Variants in KIRREL3 observed in about 807,000 individuals in gnomAD.
The protein encoded by KIRREL3 is kirre like nephrin family adhesion molecule 3.
KIRREL3 carries 36 observed loss-of-function variants against 89.7 expected under a neutral mutation model. The observed-to-expected ratio is 0.40, with a 90% CI of 0.31 to 0.53. KIRREL3 has a LOEUF of 0.53. KIRREL3 is among the 20% of genes least tolerant of loss of function. The pLI, the probability that KIRREL3 is intolerant of heterozygous loss-of-function variation, is 0.49. For missense variants in KIRREL3, 864 were observed against 1,056.6 expected (o/e 0.82, Z 2.53); for synonymous variants, 445 against 441.4 (o/e 1.01, Z -0.10).
At position 126,676,808 on chromosome 11, in the gene KIRREL3, A is replaced by G. The variant is rs1946212173; in HGVS notation, c.56-113896T>C. The stretch of plus-strand genomic sequence containing the variant: ...GATTTTTTTTTTTTCCTTTTGAGAC[A>G]GAGTCTCCCTCTGCCATCTGGACTG... On this transcript the variant is annotated intron_variant, in intron 1 of 16. Coordinates refer to ENST00000525144, the MANE Select transcript of KIRREL3 (RefSeq NM_032531.4). This position sits in a 1 kb window ranked among gnomAD's most constrained non-coding sequence, Gnocchi z 4.5. Among the ~76,000 whole-genome samples, 1 of 151,428 alleles carries G rather than the reference A, an allele frequency of 6.6e-6. No individual in the cohort carries two copies. Among genetic ancestry groups the G allele is most frequent in the Admixed American group, 6.6e-5 (1 of 15,214 alleles).
chr11:126,448,019 G>A (rs1955890159), intron 8 of KIRREL3, among the ~76,000 whole-genome samples: 1 of 152,158 alleles, frequency 6.6e-6, no homozygotes, highest in Non-Finnish European at 1.5e-5. Context: ...AGGTGCGGTG[G>A]CTCATGCCTG....
chr11:126,697,327 G>A lies in KIRREL3; in HGVS notation c.56-134415C>T, dbSNP rs1947139665. Among the ~76,000 whole-genome samples the A allele has an allele frequency of 6.6e-6, 1 of 152,224 alleles. No individual in the cohort carries two copies. Among genetic ancestry groups the A allele is most frequent in the African/African-American group, 2.4e-5 (1 of 41,464 alleles). ...CCAGCACTGGCCTTGCCGGCTCACTGCACAGGGTGGGCACTTAGTCCCTGA... is the reference window on the plus strand; with the variant it reads ...CCAGCACTGGCCTTGCCGGCTCACTACACAGGGTGGGCACTTAGTCCCTGA... On this transcript the variant is annotated intron_variant, in intron 1 of 16. Coordinates refer to ENST00000525144, the MANE Select transcript of KIRREL3 (RefSeq NM_032531.4). The surrounding 1 kb of genome is among the most constrained non-coding windows in gnomAD (Gnocchi z 4.2).
In KIRREL3 at chr11:126,471,611, C is replaced by T. The variant is rs1019636055; in HGVS notation, c.591+1698G>A. Among the ~76,000 whole-genome samples, 3 of 151,842 alleles carry T rather than the reference C, an allele frequency of 2.0e-5. No homozygotes were observed. The highest frequency in any genetic ancestry group is 2.1e-4 in the South Asian group (1 of 4,798). On this transcript the variant is annotated intron_variant, in intron 5 of 16. Transcript: ENST00000525144. The surrounding 1 kb of genome is among the most constrained non-coding windows in gnomAD (Gnocchi z 5.4). ...TAGGATTGGATAGCTTGAATAATTT[C>T]CCTGGGCCCTGAGCTGTAGGGGTGG...
intron 1 of KIRREL3, among the ~76,000 whole-genome samples, chr11:126,835,932 A>C (rs980913495): frequency 1.3e-5 from 2 of 152,206 alleles, no homozygotes; most frequent in African/African-American, 4.8e-5. Context: ...GTGGGGCCCC[A>C]GTAACAACTC....
intron 10 of KIRREL3, among the ~76,000 whole-genome samples, chr11:126,444,551 C>A (rs904120437): frequency 6.6e-6 from 1 of 152,198 alleles, no homozygotes; most frequent in African/African-American, 2.4e-5. Context: ...TGAGATCGTG[C>A]CACTGCATTC....
chr11:126,989,261 A>C lies in KIRREL3; in HGVS notation c.55+11194T>G, dbSNP rs620875. On this transcript the variant is annotated intron_variant, in intron 1 of 16. Coordinates refer to ENST00000525144, the MANE Select transcript of KIRREL3 (RefSeq NM_032531.4). This position sits in a 1 kb window ranked among gnomAD's most constrained non-coding sequence, Gnocchi z 6.2. Reference sequence around the variant, plus strand: ...AAGTCACCTGGAATTTGCTAGTAGAACTATCAGTAAAATGAAGACAGCAAT... The same window carrying C: ...AAGTCACCTGGAATTTGCTAGTAGACCTATCAGTAAAATGAAGACAGCAAT... Among the ~76,000 whole-genome samples, 13,947 of 152,262 alleles carry C rather than the reference A, an allele frequency of 0.092. 879 individuals are homozygous for C. Among genetic ancestry groups the C allele is most frequent in the Middle Eastern group, 0.2 (58 of 294 alleles).
chr11:126,738,410 G>A (rs1454621846), intron 1 of KIRREL3, among the ~76,000 whole-genome samples: 1 of 152,036 alleles, frequency 6.6e-6, no homozygotes, highest in Admixed American at 6.6e-5. Flanking sequence ...GTCCCAGGCT[G>A]GCCTCACCTG....
At chr11:126,861,360 G>A (rs1323629816) in intron 1 of KIRREL3, among the ~76,000 whole-genome samples, 1 of 152,068 alleles carries the variant, frequency 6.6e-6, no homozygotes, top group Non-Finnish European at 1.5e-5. Context: ...CCACCCAGTG[G>A]GAACTGGGAC....
At chr11:126,480,702 C>T (rs1400458872) in intron 4 of KIRREL3, among the ~76,000 whole-genome samples, 3 of 152,212 alleles carry the variant, frequency 2.0e-5, no homozygotes, top group Non-Finnish European at 4.4e-5. Flanking sequence ...GGCAGGTACT[C>T]TCCTCCCTTC....
chr11:126,944,452 G>C (rs1481153395), intron 1 of KIRREL3: 4 of 152,310 alleles, frequency 2.6e-5, no homozygotes, highest in Non-Finnish European at 5.9e-5. Context: ...TAATGTTCAA[G>C]GATGGCAGCA....
intron 1 of KIRREL3, among the ~76,000 whole-genome samples, chr11:126,712,054 C>T (rs1947778773): frequency 1.3e-5 from 2 of 152,218 alleles, no homozygotes; most frequent in African/African-American, 4.8e-5. Context: ...GCCAGCCACG[C>T]CCCACTCCCA....
rs542756887 is a variant in KIRREL3 at position 126,702,362 on chromosome 11, T to A, written c.56-139450A>T. ...CACAGAGCTCCACAAATCTATGACATCATGATGATTATGATGATTGTTGCA... is the reference window on the plus strand; with the variant it reads ...CACAGAGCTCCACAAATCTATGACAACATGATGATTATGATGATTGTTGCA... On this transcript the variant is annotated intron_variant, in intron 1 of 16. Coordinates refer to ENST00000525144, the MANE Select transcript of KIRREL3 (RefSeq NM_032531.4). Among the ~76,000 whole-genome samples the A allele has an allele frequency of 4.6e-5, 7 of 152,276 alleles. No individual in the cohort carries two copies. The East Asian group carries it at 9.7e-4, about 21-fold the overall frequency.
intron 4 of KIRREL3, among the ~76,000 whole-genome samples, chr11:126,511,407 T>A (rs939238902): frequency 1.3e-5 from 2 of 151,146 alleles, no homozygotes; most frequent in Non-Finnish European, 2.9e-5. Flanking sequence ...CCCAAACACC[T>A]CTCTCCACTG....
rs532845526 is a variant in KIRREL3, at chr11:126,828,652, T to C, written c.55+171803A>G. On this transcript the variant is annotated intron_variant, in intron 1 of 16. Coordinates refer to ENST00000525144, the MANE Select transcript of KIRREL3 (RefSeq NM_032531.4). Reference sequence around the variant, plus strand: ...TGGTGCTTCCTTAGGTCTGCATCCCTGTCCTAGTCTTGCACGTAGGCTCTG... The same window carrying C: ...TGGTGCTTCCTTAGGTCTGCATCCCCGTCCTAGTCTTGCACGTAGGCTCTG... Among the ~76,000 whole-genome samples the C allele has an allele frequency of 9.6e-4, 146 of 152,252 alleles. 2 individuals are homozygous for C. The highest frequency in any genetic ancestry group is 3.1e-3 in the African/African-American group (128 of 41,534).
At position 126,740,802 on chromosome 11, in the gene KIRREL3, A is replaced by C. The variant is rs1948956417; in HGVS notation, c.56-177890T>G. Among the ~76,000 whole-genome samples the C allele has an allele frequency of 6.6e-6, 1 of 152,140 alleles. No individual in the cohort carries two copies. Among genetic ancestry groups the C allele is most frequent in the Non-Finnish European group, 1.5e-5 (1 of 68,042 alleles). ...TATATCCTTTCCTTGTTGGGAGCAG[A>C]GAGGGTAATCCTTGTTAGATTTACA... On this transcript the variant is annotated intron_variant, in intron 1 of 16. Transcript: ENST00000525144. This position sits in a 1 kb window ranked among gnomAD's most constrained non-coding sequence, Gnocchi z 6.0.
At chr11:126,962,167 T>C (rs1016870769) in intron 1 of KIRREL3, among the ~76,000 whole-genome samples, 3 of 152,254 alleles carry the variant, frequency 2.0e-5, no homozygotes, top group African/African-American at 7.2e-5. Context: ...TCAAGTCTCA[T>C]TATTTAAAAA....
rs1956488710 is a variant in KIRREL3 at position 126,459,885 on chromosome 11, T to C, written c.742+3272A>G. ...GTGAGGCTTTGGGGGTGTTAAGCTT[T>C]CTCTCCCATTACTCAATCTGAGGGC... On this transcript the variant is annotated intron_variant, in intron 6 of 16. Coordinates refer to ENST00000525144, the MANE Select transcript of KIRREL3 (RefSeq NM_032531.4). The surrounding 1 kb of genome is among the most constrained non-coding windows in gnomAD (Gnocchi z 4.8). Among the ~76,000 whole-genome samples, 1 of 152,188 alleles carries C rather than the reference T, an allele frequency of 6.6e-6. No homozygotes were observed. Among genetic ancestry groups the C allele is most frequent in the Non-Finnish European group, 1.5e-5 (1 of 68,042 alleles).
At chr11:126,968,793 AT>A (rs1949351432) in intron 1 of KIRREL3, among the ~76,000 whole-genome samples, 1 of 152,032 alleles carries the variant, frequency 6.6e-6, no homozygotes, top group Non-Finnish European at 1.5e-5. Flanking sequence ...ACTCTACAGG[AT>A]GGGGCTCTGC....
chr11:126,955,598 A>G lies in KIRREL3; in HGVS notation c.55+44857T>C, dbSNP rs1336073587. ...GCTGCATTCTATCTCACTCCACCCC[A>G]ATCCATTCTTTCCTTCCATCATTTG... On this transcript the variant is annotated intron_variant, in intron 1 of 16. Transcript: ENST00000525144. This position sits in a 1 kb window ranked among gnomAD's most constrained non-coding sequence, Gnocchi z 4.6. Among the ~76,000 whole-genome samples, 1 of 152,180 alleles carries G rather than the reference A, an allele frequency of 6.6e-6. No individual in the cohort carries two copies. Among genetic ancestry groups the G allele is most frequent in the Non-Finnish European group, 1.5e-5 (1 of 68,030 alleles).
Sources: gnomAD v4.1 joint callset for allele counts (sites outside exome capture counted in the v4.1 genomes callset) on GRCh38, gnomAD v4.1.1 for gene constraint, Gnocchi (gnomAD v3.1) non-coding constraint, MANE v1.5 for transcripts, NCBI Gene and HGNC (gene_info 2026-07-23, HGNC 2026-07-21) for gene names.